The following SLC39A9 variants were observed in gnomAD, a reference collection of about 807,000 sequenced individuals.
The protein encoded by SLC39A9 is solute carrier family 39 member 9, also known as zinc transporter ZIP9.
SLC39A9 carries 14 observed loss-of-function variants against 28.4 expected under a neutral mutation model. That is an observed-to-expected ratio of 0.49 (90% confidence interval 0.33 to 0.77). The LOEUF is 0.77. Among genes scored for constraint, SLC39A9 ranks in the 30% least tolerant of loss-of-function variants. The probability of loss-of-function intolerance (pLI) is 0.02; values close to 1 mark genes in which losing one functional copy is unlikely to be tolerated. For missense variants in SLC39A9, 283 were observed against 381.1 expected (o/e 0.74, Z 2.14); for synonymous variants, 119 against 149.6 (o/e 0.80, Z 1.49).
chr14:69,420,469 A>T (rs943286162), intron 1 of SLC39A9, among the ~76,000 whole-genome samples: 1 of 152,044 alleles, frequency 6.6e-6, no homozygotes, highest in African/African-American at 2.4e-5. Flanking sequence ...TCTGACAATT[A>T]TGTGTCCTGG....
chr14:69,399,080 T>C lies in SLC39A9; in HGVS notation c.-290T>C. 1 of 361,268 alleles carries C rather than the reference T, an allele frequency of 2.8e-6. No homozygotes were observed. The highest frequency in any genetic ancestry group is 6.5e-5 in the East Asian group (1 of 15,268). 22.4% of individuals were successfully genotyped at this position (361,268 alleles called of 1,614,324 possible). ...TTCGCACATTTTCCCCATTGACTTT[T>C]CCCATCTCTGTTAACCCACGAGAAT... On this transcript the variant is annotated 5_prime_UTR_variant, in exon 1 of 7. Transcript: ENST00000336643.
chr14:69,419,024 A>G (rs1378623005), intron 1 of SLC39A9, among the ~76,000 whole-genome samples: 1 of 151,868 alleles, frequency 6.6e-6, no homozygotes, highest in Non-Finnish European at 1.5e-5. Context: ...CTCTGATCTT[A>G]GTTATTTCTT....
chr14:69,412,237 A>C (rs1024721032), intron 1 of SLC39A9, among the ~76,000 whole-genome samples: 1 of 151,530 alleles, frequency 6.6e-6, no homozygotes, highest in Non-Finnish European at 1.5e-5. Context: ...AAAATACAAA[A>C]AATTAGCCGG....
intron 1 of SLC39A9, among the ~76,000 whole-genome samples, chr14:69,420,683 G>A (rs1278990709): frequency 1.3e-5 from 2 of 152,162 alleles, no homozygotes; most frequent in African/African-American, 4.8e-5. Context: ...ATTTATTGGA[G>A]GGTTTGTTCA....
At chr14:69,429,845 CT>C (rs1884400659) in intron 2 of SLC39A9, among the ~76,000 whole-genome samples, 1 of 152,158 alleles carries the variant, frequency 6.6e-6, no homozygotes, top group Non-Finnish European at 1.5e-5. Context: ...AGTTCCAGTT[CT>C]CCCCTTCCTT....
chr14:69,441,338 T>C (rs1460644886), intron 2 of SLC39A9, among the ~76,000 whole-genome samples: 1 of 152,228 alleles, frequency 6.6e-6, no homozygotes, highest in African/African-American at 2.4e-5. Context: ...AAATGTCTAG[T>C]ATGTTATTCT....
At chr14:69,432,213 T>C (rs991024435) in intron 2 of SLC39A9, among the ~76,000 whole-genome samples, 1 of 152,220 alleles carries the variant, frequency 6.6e-6, no homozygotes, top group Non-Finnish European at 1.5e-5. Flanking sequence ...CTCCCTAGCC[T>C]TGCCAGCATG....
intron 1 of SLC39A9, among the ~76,000 whole-genome samples, chr14:69,399,731 T>C (rs1279277756): frequency 6.6e-6 from 1 of 152,166 alleles, no homozygotes; most frequent in Non-Finnish European, 1.5e-5. Context: ...AAATTTGAGG[T>C]TCTGTGCATT....
At chr14:69,420,426 T>G (rs2140269717) in intron 1 of SLC39A9, among the ~76,000 whole-genome samples, 2 of 152,310 alleles carry the variant, frequency 1.3e-5, no homozygotes, top group Middle Eastern at 3.4e-3. Flanking sequence ...TGGCTGCCCT[T>G]AACATTTTTT....
chr14:69,451,021 T>G (rs1885584738), intron 3 of SLC39A9, among the ~76,000 whole-genome samples: 2 of 152,238 alleles, frequency 1.3e-5, no homozygotes, highest in African/African-American at 4.8e-5. Context: ...ATAAAAACTT[T>G]CTAATTTTAA....
intron 4 of SLC39A9, 65 bp downstream of exon 4, chr14:69,453,374 A>AT: frequency 6.8e-7 from 1 of 1,480,936 alleles, no homozygotes; most frequent in Non-Finnish European, 9.4e-7. Flanking sequence ...TAGTGTTTAT[A>AT]TTTCAGGGAC....
chr14:69,400,772 T>C (rs3759771), intron 1 of SLC39A9, among the ~76,000 whole-genome samples: 68,953 of 151,878 alleles, frequency 0.45, 15,830 homozygotes, highest in Middle Eastern at 0.59. Context: ...TAAATTGTTG[T>C]TGTTCTTTTT....
At chr14:69,421,966 G>A (rs1281684141) in intron 1 of SLC39A9, among the ~76,000 whole-genome samples, 2 of 152,186 alleles carry the variant, frequency 1.3e-5, no homozygotes, top group African/African-American at 2.4e-5. Context: ...TTCCCTGGGT[G>A]AGGTGTCACC....
At chr14:69,406,307 G>A (rs1183551286) in intron 1 of SLC39A9, among the ~76,000 whole-genome samples, 1 of 152,160 alleles carries the variant, frequency 6.6e-6, no homozygotes, top group Non-Finnish European at 1.5e-5. Context: ...GGAATCTGAA[G>A]TAGTTCCTAT....
At chr14:69,454,296 A>G (rs1885752080) in intron 4 of SLC39A9, among the ~76,000 whole-genome samples, 1 of 152,108 alleles carries the variant, frequency 6.6e-6, no homozygotes, top group Non-Finnish European at 1.5e-5. Flanking sequence ...TTTGAGACGG[A>G]GTCTCACTCT....
At chr14:69,449,857 GTGTGTGTATACACA>G (rs1404324020) in intron 3 of SLC39A9, among the ~76,000 whole-genome samples, 1 of 152,006 alleles carries the variant, frequency 6.6e-6, no homozygotes, top group Non-Finnish European at 1.5e-5. Context: ...GTGTGTGTGT[GTGTGTGTATACACA>G]TGTGTGAGTG....
At chr14:69,441,970 A>C in intron 2 of SLC39A9, 99 bp from the exon 3 acceptor site, 1 of 1,482,342 alleles carries the variant, frequency 6.7e-7, no homozygotes, top group Non-Finnish European at 8.9e-7. Flanking sequence ...TCTTTACAGT[A>C]AAGTAAGTAG....
chr14:69,421,551 C>T (rs1883894578), intron 1 of SLC39A9, among the ~76,000 whole-genome samples: 2 of 152,234 alleles, frequency 1.3e-5, no homozygotes, highest in African/African-American at 4.8e-5. Flanking sequence ...CAGTCAGGAA[C>T]GTTTAAGACT....
rs965969828 is a variant in SLC39A9, at chr14:69,458,955, G to T, written c.*362G>T. The T allele has an allele frequency of 3.0e-6, 3 of 1,011,006 alleles. No individual in the cohort carries two copies. In the African/African-American group the frequency reaches 5.2e-5, roughly 17 times the overall value. 62.6% of individuals were successfully genotyped at this position (1,011,006 alleles called of 1,614,324 possible). A position where few individuals can be genotyped will look rare whatever the true frequency, so the allele number is the denominator to read the frequency against. On this transcript the variant is annotated 3_prime_UTR_variant, in exon 7 of 7. Coordinates refer to ENST00000336643, the MANE Select transcript of SLC39A9 (RefSeq NM_018375.5). ...AGTGATTATGAAAATACAGTGTTCT[G>T]TAATTAAGCTATGTCTCTTTCTTCT...
Sources: allele counts gnomAD v4.1 joint callset (sites outside exome capture counted in the v4.1 genomes callset), GRCh38; gene constraint gnomAD v4.1.1; transcripts MANE v1.5; gene names NCBI Gene and HGNC (gene_info 2026-07-23, HGNC 2026-07-21).